VPS41: variants seen among roughly 807,000 people sequenced by gnomAD.
VPS41 encodes vacuolar protein sorting-associated protein 41 homolog.
VPS41 carries 85 observed loss-of-function variants against 130.9 expected under a neutral mutation model. The ratio of observed to expected loss-of-function variants is 0.65; its 90% CI spans 0.55 to 0.78. The LOEUF (loss-of-function observed/expected upper bound fraction) is 0.78, where lower values mean the gene tolerates loss of function less well. Ranked by LOEUF, VPS41 falls within the 30% of genes least tolerant of loss-of-function variation. VPS41 has a pLI of 0.00. For synonymous variants in VPS41, 335 were observed against 332.9 expected, an observed-to-expected ratio of 1.01 and a Z score of -0.07; for missense variants, 874 against 1,018.7, an observed-to-expected ratio of 0.86 and a Z score of 1.93.
At chr7:38,821,376 A>G in intron 5 of VPS41, 111 bp from the exon 6 acceptor site, 1 of 758,152 alleles carries the variant, frequency 1.3e-6, no homozygotes, top group Admixed American at 2.4e-5. Flanking sequence ...AATAATTTTA[A>G]GGCCCCGTGA....
At chr7:38,771,060 G>C (rs1319649586) in intron 14 of VPS41, 138 bp downstream of exon 14, 14 of 667,454 alleles carry the variant, frequency 2.1e-5, no homozygotes, top group Admixed American at 5.9e-5. Context: ...AAAATATTTT[G>C]ATCTCATAGG....
At chr7:38,787,661 C>T (rs889961180) in intron 10 of VPS41, among the ~76,000 whole-genome samples, 21 of 152,250 alleles carry the variant, frequency 1.4e-4, no homozygotes, top group Middle Eastern at 3.4e-3. Flanking sequence ...TACAGCCATA[C>T]GTATTTCTTT....
intron 25 of VPS41, among the ~76,000 whole-genome samples, chr7:38,738,392 T>G (rs991972957): frequency 8.6e-4 from 131 of 152,316 alleles, no homozygotes; most frequent in African/African-American, 3.0e-3. Flanking sequence ...CCTTCTCATC[T>G]GTAAAACAAA....
intron 5 of VPS41, among the ~76,000 whole-genome samples, chr7:38,824,067 A>G (rs1785223740): frequency 6.6e-6 from 1 of 152,192 alleles, no homozygotes; most frequent in Non-Finnish European, 1.5e-5. Flanking sequence ...GGGAATCTTA[A>G]TGGAGTGAAT....
At chr7:38,809,226 T>C (rs1428802527) in intron 7 of VPS41, among the ~76,000 whole-genome samples, 1 of 151,488 alleles carries the variant, frequency 6.6e-6, no homozygotes, top group African/African-American at 2.4e-5. Flanking sequence ...GGCTGACGCC[T>C]GTAATCCTAG....
rs563810997 is a variant in VPS41, at chr7:38,821,440, C to T, written c.322-175G>A. On this transcript the variant is annotated intron_variant, in intron 5 of 28. Transcript: ENST00000310301. ...CCCATCAGCCACGTACGGTGGCTCA[C>T]GCCTGTAATCCCAGCACTTTGAGAG... is the stretch of plus-strand genomic sequence containing the variant. 7.9e-5 allele frequency among the ~76,000 whole-genome samples: 12 copies of T among 152,274 alleles called. No homozygotes were observed. The South Asian group carries it at 1.5e-3, about 18-fold the overall frequency.
chr7:38,772,843 T>A (rs535361891), intron 12 of VPS41, among the ~76,000 whole-genome samples: 1 of 151,996 alleles, frequency 6.6e-6, no homozygotes, highest in African/African-American at 2.4e-5. Flanking sequence ...TTAAAAATAT[T>A]TAAGTGTAAA....
intron 25 of VPS41, among the ~76,000 whole-genome samples, chr7:38,734,751 A>T (rs1465413280): frequency 1.3e-5 from 2 of 152,336 alleles, no homozygotes; most frequent in East Asian, 3.9e-4. Context: ...GATTCTTCGA[A>T]CACTAAACAT....
chr7:38,899,673 G>A (rs1252484565), intron 1 of VPS41, among the ~76,000 whole-genome samples: 1 of 151,978 alleles, frequency 6.6e-6, no homozygotes, highest in Non-Finnish European at 1.5e-5. Context: ...GAAGAGTGAG[G>A]CTTAGAGGTT....
chr7:38,847,485 A>G (rs1484888531), intron 4 of VPS41, among the ~76,000 whole-genome samples: 1 of 152,190 alleles, frequency 6.6e-6, no homozygotes, highest in Non-Finnish European at 1.5e-5. Context: ...CGCTGAGACT[A>G]TATAACTAAA....
chr7:38,854,819 G>T (rs1483851931), intron 4 of VPS41, among the ~76,000 whole-genome samples: 1 of 147,440 alleles, frequency 6.8e-6, no homozygotes, highest in Non-Finnish European at 1.5e-5. Context: ...GCATATAATT[G>T]TGACAAAAGT....
intron 3 of VPS41, among the ~76,000 whole-genome samples, chr7:38,862,850 C>A (rs1482906003): frequency 1.3e-5 from 2 of 152,128 alleles, no homozygotes; most frequent in Non-Finnish European, 2.9e-5. Context: ...CTCATGAGGA[C>A]CCTCATCTAC....
chr7:38,747,813 A>G (rs1273150073), intron 22 of VPS41, among the ~76,000 whole-genome samples: 1 of 152,230 alleles, frequency 6.6e-6, no homozygotes, highest in Non-Finnish European at 1.5e-5. Flanking sequence ...AGATTATAAA[A>G]CATTTCCATT....
chr7:38,839,788 T>A (rs1785571938), intron 4 of VPS41, among the ~76,000 whole-genome samples: 1 of 152,182 alleles, frequency 6.6e-6, no homozygotes, highest in Non-Finnish European at 1.5e-5. Context: ...CTCTCCAATC[T>A]TTTCAGTTGC....
chr7:38,812,511 T>C lies in VPS41; in HGVS notation c.450+5306A>G, dbSNP rs534209937. 1.5e-4 allele frequency among the ~76,000 whole-genome samples: 23 copies of C among 152,166 alleles called. 1 individual carries two copies. The highest frequency in any genetic ancestry group is 1.2e-3 in the South Asian group (6 of 4,830). On this transcript the variant is annotated intron_variant, in intron 7 of 28. Transcript: ENST00000310301. ...AGTGATCTCTTAGATACAACACCAA[T>C]AGCACAAGTATCAAAAAAATTAAGA...
chr7:38,772,695 T>C (rs1029954717), intron 12 of VPS41, 58 bp from the exon 13 acceptor site: 1 of 1,252,054 alleles, frequency 8.0e-7, no homozygotes, highest in Non-Finnish European at 1.2e-6. Context: ...AACTTGGCAA[T>C]GGTTTCAGAG....
chr7:38,729,869 G>A (rs1395276954), intron 25 of VPS41, among the ~76,000 whole-genome samples: 1 of 152,158 alleles, frequency 6.6e-6, no homozygotes, highest in Non-Finnish European at 1.5e-5. Context: ...GTATTAGTAG[G>A]AAACTGAGAG....
intron 7 of VPS41, among the ~76,000 whole-genome samples, chr7:38,798,896 T>C (rs1784672229): frequency 6.6e-6 from 1 of 152,090 alleles, no homozygotes; most frequent in Non-Finnish European, 1.5e-5. Context: ...ATGTAAAATA[T>C]GCTAATAATA....
In VPS41 at chr7:38,742,074, T is replaced by C; in HGVS notation, c.2170A>G (p.Ile724Val). 1 of 1,613,258 alleles carries C rather than the reference T, an allele frequency of 6.2e-7. No individual in the cohort carries two copies. Residue 724 changes from isoleucine to valine, a missense_variant, in exon 25 of 29, where the codon ATT (isoleucine) becomes GTT (valine). Coordinates refer to ENST00000310301, the MANE Select transcript of VPS41 (RefSeq NM_014396.4). Reference sequence around the variant, plus strand: ...TCCTTAATACGGTGAATCAGTAGAATTGGGTCAACATGTGTGCCAATGTTG... The same window carrying C: ...TCCTTAATACGGTGAATCAGTAGAACTGGGTCAACATGTGTGCCAATGTTG... ...LNNIGTHVDP[I>V]LLIHRIKEGM...
Sources: allele counts gnomAD v4.1 joint callset (sites outside exome capture counted in the v4.1 genomes callset), GRCh38; gene constraint gnomAD v4.1.1; transcripts MANE v1.5; gene names NCBI Gene and HGNC (gene_info 2026-07-23, HGNC 2026-07-21).